The following CDH22 variants were observed in gnomAD, a reference collection of about 807,000 sequenced individuals.
The protein encoded by CDH22 is cadherin 22.
CDH22 carries 30 observed loss-of-function variants against 58.4 expected under a neutral mutation model. The observed-to-expected ratio is 0.51, with a 90% CI of 0.38 to 0.70. The LOEUF is 0.70. CDH22 is among the 30% of genes least tolerant of loss of function. CDH22 has a pLI of 0.00. For synonymous variants in CDH22, 513 were observed against 558.2 expected, an observed-to-expected ratio of 0.92 and a Z score of 1.14; for missense variants, 1,014 against 1,233.9, an observed-to-expected ratio of 0.82 and a Z score of 2.67.
intron 1 of CDH22, among the ~76,000 whole-genome samples, chr20:46,278,443 C>T (rs915055593): frequency 1.4e-4 from 22 of 152,236 alleles, no homozygotes; most frequent in African/African-American, 5.1e-4. Context: ...AGTCCTGCCT[C>T]TGCCACCCCA....
intron 8 of CDH22, among the ~76,000 whole-genome samples, chr20:46,197,653 G>A (rs939805464): frequency 6.6e-6 from 1 of 152,150 alleles, no homozygotes; most frequent in Non-Finnish European, 1.5e-5. Context: ...CAAGGAGGGG[G>A]AGCTCTCTTC....
In CDH22 at chr20:46,181,577, T is replaced by TTTCCCTTCC. The variant is rs1239657808; in HGVS notation, c.1664-3389_1664-3381dup. On this transcript the variant is annotated intron_variant, in intron 10 of 11. Transcript: ENST00000537909. ...GGCTGTGGTAAGGAATTTGGGTCAT[T>TTTCCCTTCC]TTCCCTTCCTTCCCTTCCTTCCCTT... Among the ~76,000 whole-genome samples, 11 of 150,638 alleles carry TTTCCCTTCC rather than the reference T, an allele frequency of 7.3e-5. No homozygotes were observed. The East Asian group carries it at 9.8e-4, about 13-fold the overall frequency.
chr20:46,269,895 G>A (rs2086478913), intron 1 of CDH22, among the ~76,000 whole-genome samples: 1 of 152,174 alleles, frequency 6.6e-6, no homozygotes, highest in Non-Finnish European at 1.5e-5. Flanking sequence ...GACCTCTGGA[G>A]GCAGGGGCTG....
At chr20:46,207,998 A>G (rs2086013149) in intron 7 of CDH22, among the ~76,000 whole-genome samples, 1 of 152,262 alleles carries the variant, frequency 6.6e-6, no homozygotes, top group Non-Finnish European at 1.5e-5. Flanking sequence ...TGATAGAGCC[A>G]TTCAGACAGA....
rs368091518 is a variant in CDH22, at chr20:46,198,287, GACACACACACAC to G, written c.1423+1124_1423+1135del. Among the ~76,000 whole-genome samples, 647 of 128,702 alleles carry G rather than the reference GACACACACACAC, an allele frequency of 5.0e-3. 6 individuals carry two copies. The highest frequency in any genetic ancestry group is 0.016 in the African/African-American group (541 of 34,192). The allele number at this position is 128,702 out of a possible 152,430, so 84.4% of individuals were successfully genotyped here. A position where few individuals can be genotyped will look rare whatever the true frequency, so the allele number is the denominator to read the frequency against. ...CATTTCTCCCTAGCTGCACCAAAAAGACACACACACACACACACACACACACACACACACACA... is the reference window on the plus strand; with the variant it reads ...CATTTCTCCCTAGCTGCACCAAAAAGACACACACACACACACACACACACA... On this transcript the variant is annotated intron_variant, in intron 8 of 11. Coordinates refer to ENST00000537909, the MANE Select transcript of CDH22 (RefSeq NM_021248.3).
At chr20:46,250,299 G>T (rs2086361704) in intron 2 of CDH22, among the ~76,000 whole-genome samples, 1 of 152,172 alleles carries the variant, frequency 6.6e-6, no homozygotes, top group Non-Finnish European at 1.5e-5. Context: ...AACAAACATG[G>T]TCTAATAGAA....
chr20:46,203,025 G>C (rs1568656999), intron 7 of CDH22, among the ~76,000 whole-genome samples: 1 of 152,110 alleles, frequency 6.6e-6, no homozygotes, highest in Admixed American at 6.5e-5. Flanking sequence ...TGCTGCTGCT[G>C]CTCCTCCTCC....
Position 46,174,763 on chromosome 20 carries a change from A to G in CDH22, c.2230T>C (p.Phe744Leu), listed in dbSNP as rs1387448774. The part of the protein sequence containing the change: ...PQGPPSPEPD[F>L]SVFRDFISRK... ...CTGATGAAGTCCCTGAACACTGAGA[A>G]GTCTGGCTCGGGGCTCGGCGGCCCC... Residue 744 changes from phenylalanine to leucine, a missense_variant, in exon 12 of 12, where the codon TTC becomes CTC. By Grantham distance (22) the Phe-to-Leu change is conservative. This residue lies in a region of CDH22 where 208 missense variants were observed against 195.2 expected (regional missense o/e 1.07). Coordinates refer to ENST00000537909, the MANE Select transcript of CDH22 (RefSeq NM_021248.3). The surrounding 1 kb of genome is among the most constrained non-coding windows in gnomAD (Gnocchi z 4.4). 16 of 1,537,186 alleles carry G rather than the reference A, an allele frequency of 1.0e-5. No homozygotes were observed. Among genetic ancestry groups the G allele is most frequent in the African/African-American group, 1.4e-5 (1 of 71,842 alleles).
intron 3 of CDH22, among the ~76,000 whole-genome samples, chr20:46,240,724 C>T (rs1024354853): frequency 6.6e-6 from 1 of 152,092 alleles, no homozygotes; most frequent in African/African-American, 2.4e-5. Context: ...TGTCCACATG[C>T]GGGTCCACGT....
Position 46,278,125 on chromosome 20 carries a change from G to A in CDH22, c.-399-26432C>T, listed in dbSNP as rs1057423067. Among the ~76,000 whole-genome samples, 5 of 152,194 alleles carry A rather than the reference G, an allele frequency of 3.3e-5. No homozygotes were observed. The South Asian group carries it at 1.0e-3, about 32-fold the overall frequency. ...GGTGATCAAGGGGTGGGGGCCCCAG[G>A]GAGCTGGGAACAGAACCCAGGCCTC... On this transcript the variant is annotated intron_variant, in intron 1 of 11. Coordinates refer to ENST00000537909, the MANE Select transcript of CDH22 (RefSeq NM_021248.3).
In CDH22 at chr20:46,284,850, C is replaced by T. The variant is rs1229915515; in HGVS notation, c.-400+23405G>A. 5.3e-5 allele frequency among the ~76,000 whole-genome samples: 8 copies of T among 152,068 alleles called. No homozygotes were observed. In the East Asian group the frequency reaches 7.7e-4, roughly 15 times the overall value. ...GGAGCCAGGAGAAACTGTCTCCTGC[C>T]GAGATAGTGCAGCTTTACTAGGTGG... On this transcript the variant is annotated intron_variant, in intron 1 of 11. Coordinates refer to ENST00000537909, the MANE Select transcript of CDH22 (RefSeq NM_021248.3).
chr20:46,261,984 TG>T (rs2086435233), intron 1 of CDH22, among the ~76,000 whole-genome samples: 4 of 152,022 alleles, frequency 2.6e-5, no homozygotes, highest in Non-Finnish European at 5.9e-5. Flanking sequence ...AACACATGCA[TG>T]CATGTGCATC....
chr20:46,306,639 A>G (rs1165497579), intron 1 of CDH22, among the ~76,000 whole-genome samples: 1 of 152,216 alleles, frequency 6.6e-6, no homozygotes, highest in Non-Finnish European at 1.5e-5. Flanking sequence ...GGAGGGAAAT[A>G]AGGGTGAAGT....
intron 1 of CDH22, among the ~76,000 whole-genome samples, chr20:46,276,371 G>A (rs1033169734): frequency 3.3e-5 from 5 of 152,196 alleles, no homozygotes; most frequent in African/African-American, 7.2e-5. Context: ...TGGAGGGGCC[G>A]GAGTTGCTTC....
chr20:46,228,105 A>C (rs1004915802), intron 3 of CDH22, among the ~76,000 whole-genome samples: 1 of 152,200 alleles, frequency 6.6e-6, no homozygotes, highest in Admixed American at 6.5e-5. Flanking sequence ...CCCAGGGGCC[A>C]TTCTACCCAC....
rs1031346600 is a variant in CDH22, at chr20:46,251,268, C to T, written c.27G>A (p.Gly9=). 2.8e-5 allele frequency: 41 copies of T among 1,462,668 alleles called. No individual in the cohort carries two copies. The highest frequency in any genetic ancestry group is 3.3e-5 in the Non-Finnish European group (37 of 1,113,424). The allele number at this position is 1,462,668 out of a possible 1,614,324, so 90.6% of individuals were successfully genotyped here. Residue 9 remains glycine, a synonymous_variant, in exon 2 of 12, where the codon GGG becomes GGA. Coordinates refer to ENST00000537909, the MANE Select transcript of CDH22 (RefSeq NM_021248.3). The surrounding 1 kb of genome is among the most constrained non-coding windows in gnomAD (Gnocchi z 6.7). ...GGGACAGCGCGACTCCCGCCCGGAGCCCCCTACCTTCGGGCCTCGGCCTCA... is the reference window on the plus strand; with the variant it reads ...GGGACAGCGCGACTCCCGCCCGGAGTCCCCTACCTTCGGGCCTCGGCCTCA... MRPRPEGR[G]LRAGVALSPA... is the part of the protein sequence containing the mutation.
At chr20:46,222,472 G>A (rs905482476) in intron 4 of CDH22, among the ~76,000 whole-genome samples, 5 of 152,236 alleles carry the variant, frequency 3.3e-5, no homozygotes, top group Admixed American at 6.5e-5. Flanking sequence ...ACAAATGTTA[G>A]TTTCATTCCC....
chr20:46,252,755 G>C (rs1269977967), intron 1 of CDH22, among the ~76,000 whole-genome samples: 3 of 152,224 alleles, frequency 2.0e-5, no homozygotes, highest in Non-Finnish European at 4.4e-5. Flanking sequence ...ACAGTTTAGT[G>C]GGGTGGAAGG....
At chr20:46,235,089 T>A (rs1215399020) in intron 3 of CDH22, among the ~76,000 whole-genome samples, 1 of 152,274 alleles carries the variant, frequency 6.6e-6, no homozygotes, top group African/African-American at 2.4e-5. Context: ...GTGGATTTAA[T>A]TCAATTACTT....
Sources: allele counts gnomAD v4.1 joint callset (sites outside exome capture counted in the v4.1 genomes callset), GRCh38; gene constraint gnomAD v4.1.1; regional missense constraint gnomAD v4.1.1; non-coding constraint Gnocchi (gnomAD v3.1); transcripts MANE v1.5; gene names NCBI Gene and HGNC (gene_info 2026-07-23, HGNC 2026-07-21).